Variants in KCNMB2 observed in about 807,000 individuals in gnomAD.
The protein encoded by KCNMB2 is calcium-activated potassium channel subunit beta-2.
Under a neutral mutation model 24.5 loss-of-function variants are expected in KCNMB2, and 9 were observed. That is an observed-to-expected ratio of 0.37 (90% confidence interval 0.22 to 0.64). The LOEUF (loss-of-function observed/expected upper bound fraction) is 0.64, where lower values mean the gene tolerates loss of function less well. Ranked by LOEUF, KCNMB2 falls within the 30% of genes least tolerant of loss-of-function variation. KCNMB2 has a pLI of 0.63. For synonymous variants in KCNMB2, 109 were observed against 104.4 expected, an observed-to-expected ratio of 1.04 and a Z score of -0.27; for missense variants, 226 against 284.3, an observed-to-expected ratio of 0.79 and a Z score of 1.47.
At chr3:178,563,696 T>G (rs1466608921) in intron 1 of KCNMB2, among the ~76,000 whole-genome samples, 1 of 151,936 alleles carries the variant, frequency 6.6e-6, no homozygotes, top group Non-Finnish European at 1.5e-5. Context: ...TCCTAGAAAG[T>G]AAGGGTGGTG....
intron 1 of KCNMB2, among the ~76,000 whole-genome samples, chr3:178,689,740 A>G (rs1321510887): frequency 6.6e-6 from 1 of 152,212 alleles, no homozygotes; most frequent in East Asian, 1.9e-4. Context: ...AGAAAAGAAA[A>G]CATAGACCTT....
chr3:178,702,367 C>T (rs1160179071), intron 1 of KCNMB2, among the ~76,000 whole-genome samples: 1 of 151,396 alleles, frequency 6.6e-6, no homozygotes, highest in African/African-American at 2.4e-5. Context: ...ACCAACATGG[C>T]ACATGTATAC....
rs116274126 is a variant in KCNMB2, at chr3:178,634,087, T to C, written c.-68+97376T>C. Among the ~76,000 whole-genome samples, 871 of 152,284 alleles carry C rather than the reference T, an allele frequency of 5.7e-3. 7 individuals are homozygous for C. The highest frequency in any genetic ancestry group is 0.02 in the African/African-American group (824 of 41,558). On this transcript the variant is annotated intron_variant, in intron 1 of 4. Transcript: ENST00000452583. ...TCTGGTCAAAGCCATTCAACATGTCTCTACAAAATTTCAAACTTTCCCATG... is the reference window on the plus strand; with the variant it reads ...TCTGGTCAAAGCCATTCAACATGTCCCTACAAAATTTCAAACTTTCCCATG...
intron 1 of KCNMB2, among the ~76,000 whole-genome samples, chr3:178,762,199 A>T (rs1408426747): frequency 6.6e-6 from 1 of 152,158 alleles, no homozygotes; most frequent in Non-Finnish European, 1.5e-5. Flanking sequence ...AAGAACAGAA[A>T]GTAATCGGAA....
intron 1 of KCNMB2, among the ~76,000 whole-genome samples, chr3:178,665,497 T>C (rs1299040308): frequency 6.6e-6 from 1 of 152,196 alleles, no homozygotes; most frequent in South Asian, 2.1e-4. Context: ...TGTTTCTTTA[T>C]AGTGTTTCAA....
chr3:178,624,749 G>A (rs778642585), intron 1 of KCNMB2, among the ~76,000 whole-genome samples: 5 of 152,014 alleles, frequency 3.3e-5, no homozygotes, highest in Non-Finnish European at 7.4e-5. Context: ...GTGGGGGCTC[G>A]GTCCTGGGTG....
intron 1 of KCNMB2, among the ~76,000 whole-genome samples, chr3:178,664,401 G>A (rs1381762915): frequency 6.6e-6 from 1 of 152,104 alleles, no homozygotes; most frequent in Non-Finnish European, 1.5e-5. Flanking sequence ...AAAAATCTAA[G>A]TCTGAATGAC....
At chr3:178,752,783 A>G (rs1723894783) in intron 1 of KCNMB2, among the ~76,000 whole-genome samples, 1 of 152,244 alleles carries the variant, frequency 6.6e-6, no homozygotes, top group Admixed American at 6.5e-5. Context: ...GTAGAAATTA[A>G]AGATGACACG....
At chr3:178,751,907 A>C (rs1390081699) in intron 1 of KCNMB2, among the ~76,000 whole-genome samples, 2 of 152,230 alleles carry the variant, frequency 1.3e-5, no homozygotes, top group Admixed American at 1.3e-4. Flanking sequence ...CCCTCACGGC[A>C]ATCATTGAAA....
intron 1 of KCNMB2, among the ~76,000 whole-genome samples, chr3:178,803,897 G>A (rs1022763466): frequency 2.0e-5 from 3 of 152,100 alleles, no homozygotes; most frequent in African/African-American, 7.2e-5. Flanking sequence ...CTGAGACGGG[G>A]AAATTATCAC....
intron 1 of KCNMB2, among the ~76,000 whole-genome samples, chr3:178,764,082 T>C (rs568120850): frequency 6.6e-6 from 1 of 152,334 alleles, no homozygotes; most frequent in Admixed American, 6.5e-5. Context: ...ACCCCCATTA[T>C]TTGATTCGTA....
At chr3:178,746,636 T>G (rs541433437) in intron 1 of KCNMB2, among the ~76,000 whole-genome samples, 48 of 152,308 alleles carry the variant, frequency 3.2e-4, no homozygotes, top group Admixed American at 1.7e-3. Flanking sequence ...CTGCTCCCTT[T>G]AAAAAACTGA....
At chr3:178,734,613 C>A (rs1019453284) in intron 1 of KCNMB2, among the ~76,000 whole-genome samples, 3 of 152,146 alleles carry the variant, frequency 2.0e-5, no homozygotes, top group Non-Finnish European at 2.9e-5. Flanking sequence ...ATTCCTGACC[C>A]AAGGTGTGAA....
chr3:178,551,974 G>T (rs553887814), intron 1 of KCNMB2, among the ~76,000 whole-genome samples: 4 of 152,240 alleles, frequency 2.6e-5, no homozygotes, highest in African/African-American at 7.2e-5. Context: ...GGACTGTGAG[G>T]TCCTAAGAGG....
intron 1 of KCNMB2, among the ~76,000 whole-genome samples, chr3:178,697,803 A>T (rs1721936611): frequency 6.6e-6 from 1 of 152,178 alleles, no homozygotes; most frequent in Non-Finnish European, 1.5e-5. Context: ...TCTTGTGGTA[A>T]CAAATTCCGT....
intron 1 of KCNMB2, among the ~76,000 whole-genome samples, chr3:178,671,608 T>C (rs761933832): frequency 6.6e-6 from 1 of 152,144 alleles, no homozygotes; most frequent in Non-Finnish European, 1.5e-5. Flanking sequence ...CACAGTTTTC[T>C]GGTCAGTCAA....
chr3:178,694,543 A>G (rs1013515977), intron 1 of KCNMB2, among the ~76,000 whole-genome samples: 2 of 152,248 alleles, frequency 1.3e-5, no homozygotes, highest in Admixed American at 6.5e-5. Context: ...CAAGTTAGTT[A>G]CTTCCTAGAT....
At chr3:178,658,415 A>T (rs1720414769) in intron 1 of KCNMB2, among the ~76,000 whole-genome samples, 1 of 152,222 alleles carries the variant, frequency 6.6e-6, no homozygotes, top group Admixed American at 6.5e-5. Context: ...TAATCAAGAT[A>T]AGGTTATCTC....
At chr3:178,801,460 C>A (rs1713774185) in intron 1 of KCNMB2, among the ~76,000 whole-genome samples, 1 of 152,106 alleles carries the variant, frequency 6.6e-6, no homozygotes, top group African/African-American at 2.4e-5. Context: ...GGGCAGTAAG[C>A]AGGGCTATTC....
Sources: allele counts gnomAD v4.1 joint callset (sites outside exome capture counted in the v4.1 genomes callset), GRCh38; gene constraint gnomAD v4.1.1; transcripts MANE v1.5; gene names NCBI Gene and HGNC (gene_info 2026-07-23, HGNC 2026-07-21).